EVL: variants seen among roughly 807,000 people sequenced by gnomAD.
EVL encodes the protein ena/VASP-like protein.
Under a neutral mutation model 59.6 loss-of-function variants are expected in EVL, and 21 were observed. The observed-to-expected ratio is 0.35, with a 90% CI of 0.25 to 0.51. The LOEUF (loss-of-function observed/expected upper bound fraction) is 0.51, where lower values mean the gene tolerates loss of function less well. Ranked by LOEUF, EVL falls within the 20% of genes least tolerant of loss-of-function variation. EVL has a pLI of 0.97. For missense variants in EVL, 462 were observed against 546.6 expected (o/e 0.85, Z 1.54); for synonymous variants, 198 against 203.5 (o/e 0.97, Z 0.23).
intron 1 of EVL, among the ~76,000 whole-genome samples, chr14:100,030,094 C>CTT (rs57192659): frequency 0.14 from 19,604 of 139,842 alleles, 2,290 homozygotes; most frequent in African/African-American, 0.31. Context: ...ATGAGATTAC[C>CTT]TTTTTTTTTT....
upstream of EVL, among the ~76,000 whole-genome samples, chr14:100,062,286 A>G (rs942170696): frequency 1.3e-5 from 2 of 152,046 alleles, no homozygotes; most frequent in Non-Finnish European, 2.9e-5. Flanking sequence ...GTAACATATG[A>G]CAGCTACACC....
chr14:100,106,678 CATT>C (rs945829699), intron 3 of EVL: 18 of 397,348 alleles, frequency 4.5e-5, no homozygotes, highest in Middle Eastern at 6.3e-4. Flanking sequence ...CATTACAAAA[CATT>C]ATAATAAAAA....
In EVL at chr14:100,123,579, T is replaced by C. The variant is rs530161472; in HGVS notation, c.399T>C (p.Pro133=). 1.2e-5 allele frequency: 19 copies of C among 1,614,108 alleles called. No individual in the cohort carries two copies. The East Asian group carries it at 3.3e-4, about 28-fold the overall frequency. The change falls in exon 4 of 14, where the codon CCT becomes CCC. Residue 133 remains proline (P), a synonymous_variant. Coordinates refer to ENST00000392920, the MANE Select transcript of EVL (RefSeq NM_016337.3). Reference sequence around the variant, plus strand: ...GTCAGGTGCAGAATGGCCCCTCTCCTGATGAGATGGACATCCAGAGAAGGT... The same window carrying C: ...GTCAGGTGCAGAATGGCCCCTCTCCCGATGAGATGGACATCCAGAGAAGGT... ...SQRQVQNGPS[P]DEMDIQRRQV... is the part of the protein sequence containing the mutation.
At chr14:100,023,196 CTT>C (rs879309983) in intron 1 of EVL, among the ~76,000 whole-genome samples, 2 of 138,184 alleles carry the variant, frequency 1.4e-5, no homozygotes, top group African/African-American at 5.8e-5. Flanking sequence ...TCCTTTTGCC[CTT>C]TTTTTTTTTT....
intron 1 of EVL, among the ~76,000 whole-genome samples, chr14:100,007,533 C>T (rs746873871): frequency 2.0e-5 from 3 of 152,192 alleles, no homozygotes; most frequent in Non-Finnish European, 2.9e-5. Flanking sequence ...CACATCATGG[C>T]ACTCATGAAA....
chr14:100,047,116 C>CTTTT (rs1158933445), intron 1 of EVL, among the ~76,000 whole-genome samples: 2 of 28,458 alleles, frequency 7.0e-5, no homozygotes, highest in Non-Finnish European at 2.0e-4. Context: ...AGATCTCTCT[C>CTTTT]TCTTTTTTTT....
At chr14:100,065,572 C>A in intron 1 of EVL, 61 bp downstream of exon 1, 1 of 1,038,274 alleles carries the variant, frequency 9.6e-7, no homozygotes, top group Non-Finnish European at 1.4e-6. Context: ...AGAATCTTAA[C>A]GGTGAATGGG....
intron 1 of EVL, chr14:99,974,267 A>G (rs989220124): frequency 2.0e-5 from 3 of 151,970 alleles, no homozygotes; most frequent in Admixed American, 2.0e-4. Context: ...TTTGCCATTG[A>G]TTTCTTTTAG....
intron 1 of EVL, among the ~76,000 whole-genome samples, chr14:100,075,256 G>T (rs898941651): frequency 6.6e-6 from 1 of 152,196 alleles, no homozygotes; most frequent in Non-Finnish European, 1.5e-5. Context: ...TGTGTGCCGG[G>T]CCTTGTCTTG....
At chr14:100,017,750 GCTGGTCATGAATA>G (rs2061062319) in intron 1 of EVL, among the ~76,000 whole-genome samples, 1 of 152,188 alleles carries the variant, frequency 6.6e-6, no homozygotes, top group African/African-American at 2.4e-5. Context: ...TCAGGCAGAT[GCTGGTCATGAATA>G]CTGCAGAAGG....
At position 100,109,778 on chromosome 14, in the gene EVL, G is replaced by A. The variant is rs776124014; in HGVS notation, c.358+12120G>A. The A allele has an allele frequency of 2.6e-5, 13 of 498,440 alleles. No homozygotes were observed. The highest frequency in any genetic ancestry group is 5.0e-5 in the Non-Finnish European group (12 of 239,222). 30.9% of individuals were successfully genotyped at this position (498,440 alleles called of 1,614,324 possible). On this transcript the variant is annotated intron_variant, in intron 3 of 13. Coordinates refer to ENST00000392920, the MANE Select transcript of EVL (RefSeq NM_016337.3). The surrounding 1 kb of genome is among the most constrained non-coding windows in gnomAD (Gnocchi z 4.3). ...ATCACCACCCCAAACAGAGGAACAC[G>A]CCTTCTCCAGCCACAGCCTATGGAA...
chr14:100,081,932 T>C (rs1407680086), intron 1 of EVL, among the ~76,000 whole-genome samples: 1 of 152,170 alleles, frequency 6.6e-6, no homozygotes, highest in Admixed American at 6.5e-5. Context: ...AAACCCTGTC[T>C]CTACTAAAAT....
At chr14:100,129,484 C>T in intron 6 of EVL, 79 bp from the exon 7 acceptor site, 2 of 1,593,626 alleles carry the variant, frequency 1.3e-6, no homozygotes, top group Non-Finnish European at 1.7e-6. Flanking sequence ...CACACAGTCC[C>T]CTGCATCCCC....
chr14:100,064,355 T>A (rs2061889491), upstream of EVL, among the ~76,000 whole-genome samples: 1 of 152,216 alleles, frequency 6.6e-6, no homozygotes, highest in Non-Finnish European at 1.5e-5. Context: ...AGTGCATGCT[T>A]CTTAGTGAGT....
chr14:100,015,334 C>T (rs934430999), intron 1 of EVL, among the ~76,000 whole-genome samples: 1 of 152,208 alleles, frequency 6.6e-6, no homozygotes, highest in Non-Finnish European at 1.5e-5. Flanking sequence ...AAAATATTCT[C>T]ATTTAGCTTT....
At chr14:100,115,783 C>T (rs1270376515) in intron 3 of EVL, among the ~76,000 whole-genome samples, 3 of 152,306 alleles carry the variant, frequency 2.0e-5, no homozygotes, top group East Asian at 1.9e-4. Context: ...AAATTCACGC[C>T]GGGTTCCTTT....
chr14:99,985,732 A>G (rs541937679), intron 1 of EVL, among the ~76,000 whole-genome samples: 60 of 150,914 alleles, frequency 4.0e-4, no homozygotes, highest in Non-Finnish European at 7.2e-4. Flanking sequence ...GCGCCATTGC[A>G]CTCTGGCCTG....
chr14:100,066,263 A>G (rs1343627934), intron 1 of EVL, among the ~76,000 whole-genome samples: 1 of 152,218 alleles, frequency 6.6e-6, no homozygotes, highest in African/African-American at 2.4e-5. Context: ...CACAATTTCC[A>G]AAGTGCCATT....
At chr14:100,099,104 AG>A (rs1433176497) in intron 3 of EVL, among the ~76,000 whole-genome samples, 1 of 150,990 alleles carries the variant, frequency 6.6e-6, no homozygotes, top group Non-Finnish European at 1.5e-5. Flanking sequence ...ACACTTTGAG[AG>A]ACCAAGGCAG....
Sources: gnomAD v4.1 joint callset for allele counts (sites outside exome capture counted in the v4.1 genomes callset) on GRCh38, gnomAD v4.1.1 for gene constraint, Gnocchi (gnomAD v3.1) non-coding constraint, MANE v1.5 for transcripts, NCBI Gene and HGNC (gene_info 2026-07-23, HGNC 2026-07-21) for gene names.